The following DDX42 variants were observed in gnomAD, a reference collection of about 807,000 sequenced individuals.
The protein encoded by DDX42 is DEAD-box helicase 42.
In DDX42, 22 loss-of-function variants were observed where a neutral mutation model predicts 101.5. That is an observed-to-expected ratio of 0.22 (90% CI 0.15 to 0.31). The LOEUF is 0.31. Ranked by LOEUF, DDX42 falls within the 10% of genes least tolerant of loss-of-function variation. The pLI, the probability that DDX42 is intolerant of heterozygous loss-of-function variation, is 1.00. For missense variants in DDX42, 849 were observed against 1,199.9 expected (o/e 0.71, Z 4.32); for synonymous variants, 402 against 401.2 (o/e 1.00, Z -0.02).
Position 63,799,574 on chromosome 17 carries a change from C to T in DDX42, c.435-15C>T, listed in dbSNP as rs768649711. On this transcript the variant is annotated splice_polypyrimidine_tract_variant and intron_variant, in intron 4 of 17. Coordinates refer to ENST00000389924, the MANE Select transcript of DDX42 (RefSeq NM_203499.3). ...ACATTTGCAGGGAAGTTTGTTTCTC[C>T]GCTTGTTTTTCCAGGGGTATTCGAG... is the stretch of plus-strand genomic sequence containing the variant. 1.1e-5 allele frequency: 18 copies of T among 1,612,416 alleles called. No individual in the cohort carries two copies. Among genetic ancestry groups the T allele is most frequent in the East Asian group, 2.2e-5 (1 of 44,856 alleles).
chr17:63,775,861 G>T (rs1336630508), intron 1 of DDX42, among the ~76,000 whole-genome samples: 1 of 152,154 alleles, frequency 6.6e-6, no homozygotes, highest in Non-Finnish European at 1.5e-5. Flanking sequence ...AGAGAGGAGT[G>T]CAGTTATTTA....
chr17:63,794,411 A>G (rs1371042181), intron 3 of DDX42, among the ~76,000 whole-genome samples: 6 of 151,308 alleles, frequency 4.0e-5, no homozygotes, highest in Non-Finnish European at 8.8e-5. Flanking sequence ...GCGTGGTGGC[A>G]TGCTGCTGTA....
At chr17:63,774,749 C>T (rs372026213) in intron 1 of DDX42, 2 of 152,188 alleles carry the variant, frequency 1.3e-5, no homozygotes, top group East Asian at 3.8e-4. Context: ...ATGCAGGCCT[C>T]CGAATTTGGG....
intron 17 of DDX42, chr17:63,817,457 A>C (rs2039989982): frequency 4.2e-6 from 2 of 479,344 alleles, no homozygotes; most frequent in African/African-American, 3.8e-5. Flanking sequence ...TATTCTAGCC[A>C]ATCAGGCTAT....
At chr17:63,806,901 A>G (rs1186703978) in intron 8 of DDX42, among the ~76,000 whole-genome samples, 1 of 152,232 alleles carries the variant, frequency 6.6e-6, no homozygotes, top group Non-Finnish European at 1.5e-5. Flanking sequence ...AAAGGTTCGT[A>G]TATAGACAAA....
chr17:63,782,287 A>G (rs897252545), intron 1 of DDX42, among the ~76,000 whole-genome samples: 7 of 152,154 alleles, frequency 4.6e-5, no homozygotes, highest in Non-Finnish European at 8.8e-5. Flanking sequence ...TTGGGGAGAA[A>G]AGAAAGAATT....
At chr17:63,796,204 G>C (rs1041364645) in intron 3 of DDX42, among the ~76,000 whole-genome samples, 4 of 152,144 alleles carry the variant, frequency 2.6e-5, no homozygotes, top group African/African-American at 9.7e-5. Flanking sequence ...AGAAAAATTA[G>C]CTCTGATTTT....
chr17:63,783,509 C>T (rs1165069262), intron 1 of DDX42, among the ~76,000 whole-genome samples: 3 of 152,116 alleles, frequency 2.0e-5, no homozygotes, highest in South Asian at 2.1e-4. Context: ...AGTTTAAAAA[C>T]GTCAGATGCT....
Position 63,784,103 on chromosome 17 carries a change from G to A in DDX42, c.-16-2931G>A, listed in dbSNP as rs546461315. ...AGACAAACAAAAACCTTAAAACTAA[G>A]CAAACAACTAAGTGCTGTGTATAAT... On this transcript the variant is annotated intron_variant, in intron 1 of 17. Transcript: ENST00000389924. Among the ~76,000 whole-genome samples, 3 of 152,062 alleles carry A rather than the reference G, an allele frequency of 2.0e-5. No homozygotes were observed. In the South Asian group the frequency reaches 6.3e-4, roughly 32 times the overall value.
chr17:63,795,415 G>A (rs1326877652), intron 3 of DDX42, among the ~76,000 whole-genome samples: 1 of 152,188 alleles, frequency 6.6e-6, no homozygotes, highest in Non-Finnish European at 1.5e-5. Context: ...CACCATTACA[G>A]TCACTGTAAC....
rs901271046 is a variant in DDX42 at position 63,809,449 on chromosome 17, T to C, written c.1153-111T>C. The C allele has an allele frequency of 1.0e-5, 8 of 787,806 alleles. No homozygotes were observed. The East Asian group carries it at 2.1e-4, about 20-fold the overall frequency. The allele number at this position is 787,806 out of a possible 1,614,324, so 48.8% of individuals were successfully genotyped here. Reference sequence around the variant, plus strand: ...GGTATGTGGCTGTTGGACCAGTATCTATTACAGTCTGAGACTAGAGAATTA... The same window carrying C: ...GGTATGTGGCTGTTGGACCAGTATCCATTACAGTCTGAGACTAGAGAATTA... On this transcript the variant is annotated intron_variant, in intron 10 of 17. Coordinates refer to ENST00000389924, the MANE Select transcript of DDX42 (RefSeq NM_203499.3).
rs753890978 is a variant in DDX42 at position 63,800,589 on chromosome 17, A to C, written c.593A>C (p.Asp198Ala). Residue 198 changes from aspartate to alanine, a missense_variant, in exon 6 of 18, where the codon GAT becomes GCT. Transcript: ENST00000389924. Reference sequence around the variant, plus strand: ...ATTGCACCTACCAAAAAAATCATTGATCCTCTTCCCCCCATTGATCATTCA... The same window carrying C: ...ATTGCACCTACCAAAAAAATCATTGCTCCTCTTCCCCCCATTGATCATTCA... ...NPIAPTKKII[D>A]PLPPIDHSEI... The C allele has an allele frequency of 5.0e-6, 8 of 1,613,922 alleles. No homozygotes were observed. Among genetic ancestry groups the C allele is most frequent in the Non-Finnish European group, 6.8e-6 (8 of 1,179,966 alleles).
intron 6 of DDX42, 54 bp downstream of exon 6, chr17:63,800,671 A>C (rs2039751998): frequency 6.3e-7 from 1 of 1,587,456 alleles, no homozygotes; most frequent in Non-Finnish European, 8.6e-7. Context: ...GCTTTACTTC[A>C]GCTTTAACAT....
chr17:63,794,538 A>G (rs777854482), intron 3 of DDX42, among the ~76,000 whole-genome samples: 1 of 152,006 alleles, frequency 6.6e-6, no homozygotes, highest in South Asian at 2.1e-4. Context: ...ATCACTTTAG[A>G]CTATGTGCCG....
chr17:63,813,749 TCTC>T (rs2039940953), intron 15 of DDX42, among the ~76,000 whole-genome samples: 1 of 152,152 alleles, frequency 6.6e-6, no homozygotes, highest in African/African-American at 2.4e-5. Context: ...TGGTTACTAT[TCTC>T]CTTACTGCTC....
At chr17:63,787,320 C>A (rs370838961) in intron 2 of DDX42, 50 bp downstream of exon 2, 6 of 1,559,608 alleles carry the variant, frequency 3.8e-6, no homozygotes, top group African/African-American at 1.4e-5. Flanking sequence ...TTGATATATT[C>A]ATTCTATCAG....
chr17:63,799,333 T>TA, intron 4 of DDX42: 1 of 393,358 alleles, frequency 2.5e-6, no homozygotes, highest in Non-Finnish European at 4.5e-6. Flanking sequence ...TTACGTCTGA[T>TA]ATCCTTGTTG....
chr17:63,785,367 T>C (rs1292372312), intron 1 of DDX42, among the ~76,000 whole-genome samples: 1 of 152,066 alleles, frequency 6.6e-6, no homozygotes, highest in Non-Finnish European at 1.5e-5. Flanking sequence ...TGAGAATCAC[T>C]TGAACCCAGG....
At chr17:63,805,361 C>G (rs1158445340) in intron 7 of DDX42, 186 bp downstream of exon 7, 4 of 677,754 alleles carry the variant, frequency 5.9e-6, no homozygotes, top group Non-Finnish European at 9.2e-6. Context: ...CTTCTAGATG[C>G]TGTTTTAGGA....
Sources: gnomAD v4.1 joint callset for allele counts (sites outside exome capture counted in the v4.1 genomes callset) on GRCh38, gnomAD v4.1.1 for gene constraint, MANE v1.5 for transcripts, NCBI Gene and HGNC (gene_info 2026-07-23, HGNC 2026-07-21) for gene names.